Variants in AGTPBP1 observed in about 807,000 individuals in gnomAD.
AGTPBP1 encodes ATP/GTP binding carboxypeptidase 1, also known as cytosolic carboxypeptidase 1.
AGTPBP1 carries 70 observed loss-of-function variants against 143.9 expected under a neutral mutation model. The ratio of observed to expected loss-of-function variants is 0.49; its 90% CI spans 0.40 to 0.59. AGTPBP1 has a LOEUF of 0.59. Ranked by LOEUF, AGTPBP1 falls within the 20% of genes least tolerant of loss-of-function variation. The pLI is 0.00. For missense variants in AGTPBP1, 1,229 were observed against 1,464.5 expected (o/e 0.84, Z 2.62); for synonymous variants, 463 against 500.2 (o/e 0.93, Z 0.99).
the AGTPBP1 span, among the ~76,000 whole-genome samples, chr9:85,799,295 G>A: frequency 1.3e-5 from 2 of 152,114 alleles, no homozygotes; most frequent in East Asian, 3.9e-4. Flanking sequence ...AAACATACGT[G>A]TGTGTATGTC....
the AGTPBP1 span, among the ~76,000 whole-genome samples, chr9:85,803,105 A>G: frequency 1.1e-4 from 16 of 152,190 alleles, no homozygotes; most frequent in African/African-American, 3.9e-4. Context: ...CCACTGTCCA[A>G]TCTATCTACT....
chr9:85,664,141 C>T (rs1833999293), intron 8 of AGTPBP1, among the ~76,000 whole-genome samples: 1 of 152,080 alleles, frequency 6.6e-6, no homozygotes, highest in Non-Finnish European at 1.5e-5. Flanking sequence ...TAATAGAAGG[C>T]ATTGTCATGA....
intron 3 of AGTPBP1, among the ~76,000 whole-genome samples, chr9:85,689,925 A>AAAAAATATATATATATATATATAT (rs58719163): frequency 1.4e-5 from 1 of 72,498 alleles, no homozygotes; most frequent in Non-Finnish European, 2.4e-5. Flanking sequence ...AAAAAAAAAA[A>AAAAAATATATATATATATATATAT]ATATATATAT....
intron 11 of AGTPBP1, among the ~76,000 whole-genome samples, chr9:85,648,629 A>G (rs181570460): frequency 3.5e-4 from 53 of 152,202 alleles, no homozygotes; most frequent in African/African-American, 1.1e-3. Flanking sequence ...TGGCTAACAC[A>G]GTGAAACCCC....
At chr9:85,724,773 C>T (rs1311418357) in intron 1 of AGTPBP1, among the ~76,000 whole-genome samples, 1 of 152,134 alleles carries the variant, frequency 6.6e-6, no homozygotes. Context: ...TCCATGAGGG[C>T]ATGGATCTTT....
intron 25 of AGTPBP1, among the ~76,000 whole-genome samples, chr9:85,572,049 C>T (rs1827533362): frequency 1.7e-5 from 1 of 59,536 alleles, no homozygotes; most frequent in Admixed American, 2.7e-4. Flanking sequence ...TTTTTTGAGG[C>T]ACAGTTTCAT....
intron 14 of AGTPBP1, 72 bp downstream of exon 14, chr9:85,632,590 G>T: frequency 7.6e-7 from 1 of 1,322,676 alleles, no homozygotes; most frequent in Non-Finnish European, 1.0e-6. Context: ...AATGCCCAAA[G>T]TAATTTTTTT....
chr9:85,603,856 C>T (rs1344633158), intron 17 of AGTPBP1, among the ~76,000 whole-genome samples: 1 of 152,116 alleles, frequency 6.6e-6, no homozygotes, highest in East Asian at 1.9e-4. Context: ...CAGTACTAAA[C>T]GCAGGCCTGG....
Position 85,681,308 on chromosome 9 carries a change from T to C in AGTPBP1, c.185A>G (p.Lys62Arg), listed in dbSNP as rs1564138996. The C allele has an allele frequency of 1.9e-6, 3 of 1,612,134 alleles. No homozygotes were observed. The highest frequency in any genetic ancestry group is 2.2e-5 in the South Asian group (2 of 90,320). Residue 62 changes from lysine to arginine, a missense_variant, in exon 4 of 26, where the codon AAA becomes AGA. By Grantham distance (26) the Lys-to-Arg change is conservative. Transcript: ENST00000357081. ...CAGAATTTCCATTCCTGTAGAACCT[T>C]TGGCTGTCATTTCTCTCCTTGTTTT... is the stretch of plus-strand genomic sequence containing the variant. ...QEKTRREMTA[K>R]GSTGMEILLS...
At chr9:85,621,945 C>A (rs1363882917) in intron 14 of AGTPBP1, among the ~76,000 whole-genome samples, 1 of 152,170 alleles carries the variant, frequency 6.6e-6, no homozygotes, top group Non-Finnish European at 1.5e-5. Context: ...ATAGAACCCA[C>A]AATCTTTACC....
chr9:85,668,966 C>CGTGT (rs1834297378), intron 8 of AGTPBP1, among the ~76,000 whole-genome samples: 5 of 67,572 alleles, frequency 7.4e-5, no homozygotes, highest in South Asian at 5.1e-4. Flanking sequence ...TACATACATA[C>CGTGT]ATGTGTGTGT....
At chr9:85,793,402 G>A in the AGTPBP1 span, 1 of 152,106 alleles carries the variant, frequency 6.6e-6, no homozygotes, top group East Asian at 1.9e-4. Flanking sequence ...TACAACAAGT[G>A]TATTAAATTT....
intron 6 of AGTPBP1, among the ~76,000 whole-genome samples, chr9:85,675,209 T>C (rs1834751146): frequency 6.6e-6 from 1 of 152,020 alleles, no homozygotes; most frequent in Admixed American, 6.6e-5. Context: ...GGCAAAACTC[T>C]TAAAACACAA....
chr9:85,696,014 A>G (rs1311677075), intron 2 of AGTPBP1, among the ~76,000 whole-genome samples: 1 of 151,918 alleles, frequency 6.6e-6, no homozygotes, highest in Non-Finnish European at 1.5e-5. Context: ...GCTAATTTTT[A>G]TATTTTTAGT....
At chr9:85,653,608 C>T (rs386494996) in intron 11 of AGTPBP1, among the ~76,000 whole-genome samples, 98 of 152,232 alleles carry the variant, frequency 6.4e-4, no homozygotes, top group Non-Finnish European at 1.2e-3. Context: ...CCATTTAACC[C>T]CCATAATCCT....
At chr9:85,773,436 C>T in the AGTPBP1 span, among the ~76,000 whole-genome samples, 2 of 143,522 alleles carry the variant, frequency 1.4e-5, no homozygotes, top group Admixed American at 1.5e-4. Flanking sequence ...CAGGTTCAAG[C>T]CATTCGCCTG....
chr9:85,798,389 C>T, the AGTPBP1 span, among the ~76,000 whole-genome samples: 359 of 143,192 alleles, frequency 2.5e-3, 1 homozygote, highest in African/African-American at 8.3e-3. Context: ...TTTTTTGAGA[C>T]GGAGTTTCGC....
chr9:85,637,650 AG>A (rs1250763025), intron 13 of AGTPBP1, among the ~76,000 whole-genome samples: 1 of 152,238 alleles, frequency 6.6e-6, no homozygotes, highest in African/African-American at 2.4e-5. Flanking sequence ...TCATCTGCGC[AG>A]GAGATGAAGA....
the AGTPBP1 span, among the ~76,000 whole-genome samples, chr9:85,798,623 C>G: frequency 9.2e-5 from 14 of 152,280 alleles, no homozygotes; most frequent in South Asian, 1.5e-3. Flanking sequence ...CCACCTTGGC[C>G]TCCCAAAGTG....
Sources: gnomAD v4.1 joint callset for allele counts (sites outside exome capture counted in the v4.1 genomes callset) on GRCh38, gnomAD v4.1.1 for gene constraint, MANE v1.5 for transcripts, NCBI Gene and HGNC (gene_info 2026-07-23, HGNC 2026-07-21) for gene names.